PCDH7: variants seen among roughly 807,000 people sequenced by gnomAD.
PCDH7 encodes the protein protocadherin 7.
PCDH7 carries 17 observed loss-of-function variants against 58.9 expected under a neutral mutation model. The observed-to-expected ratio is 0.29, with a 90% CI of 0.20 to 0.43. PCDH7 has a LOEUF of 0.43. Ranked by LOEUF, PCDH7 falls within the 20% of genes least tolerant of loss-of-function variation. The pLI is 1.00. For missense variants in PCDH7, 1,274 were observed against 1,441.0 expected (o/e 0.88, Z 1.88); for synonymous variants, 664 against 616.4 (o/e 1.08, Z -1.14).
rs531327475 is a variant in PCDH7, at chr4:31,111,356, A to G, written c.*8-31117A>G. On this transcript the variant is annotated intron_variant, in intron 3 of 3. Coordinates refer to the PCDH7 transcript ENST00000509759. ...GGAGTCTCGCTCTGTCGCTCGGGCTAGAGTGCAATGGTGCCACCTCGGCTC... is the reference window on the plus strand; with the variant it reads ...GGAGTCTCGCTCTGTCGCTCGGGCTGGAGTGCAATGGTGCCACCTCGGCTC... Among the ~76,000 whole-genome samples the G allele has an allele frequency of 2.3e-4, 35 of 149,476 alleles. No individual in the cohort carries two copies. The South Asian group carries it at 6.6e-3, about 28-fold the overall frequency.
chr4:31,074,062 A>G (rs1236355375), intron 3 of PCDH7, among the ~76,000 whole-genome samples: 2 of 151,872 alleles, frequency 1.3e-5, no homozygotes, highest in African/African-American at 4.8e-5. Context: ...CCCAAGATTC[A>G]CATGGTTGTT....
At position 31,142,926 on chromosome 4, in the gene PCDH7, C is replaced by T. The variant is rs1405031929; in HGVS notation, c.*461C>T. On this transcript the variant is annotated 3_prime_UTR_variant, in exon 4 of 4. Coordinates refer to the PCDH7 transcript ENST00000509759. ...GGGGCAAAAACCTTACAAAGCAAAA[C>T]GTTTAATCACAAAGAGGGGGCTACC... 1.1e-5 allele frequency: 12 copies of T among 1,106,366 alleles called. No homozygotes were observed. In the East Asian group the frequency reaches 1.9e-4, roughly 18 times the overall value. 68.5% of individuals were successfully genotyped at this position (1,106,366 alleles called of 1,614,324 possible). A position where few individuals can be genotyped will look rare whatever the true frequency, so the allele number is the denominator to read the frequency against.
At chr4:30,813,553 T>C (rs1464321934) in intron 1 of PCDH7, among the ~76,000 whole-genome samples, 2 of 152,160 alleles carry the variant, frequency 1.3e-5, no homozygotes, top group East Asian at 1.9e-4. Flanking sequence ...GTGCATCATA[T>C]AGTGTAGAGG....
chr4:30,748,136 C>A (rs1219301222), intron 1 of PCDH7, among the ~76,000 whole-genome samples: 2 of 152,160 alleles, frequency 1.3e-5, no homozygotes, highest in Non-Finnish European at 2.9e-5. Flanking sequence ...GAGCACAAGA[C>A]TGGAGAAACT....
chr4:30,725,982 G>A (rs1325250212), intron 1 of PCDH7, among the ~76,000 whole-genome samples: 1 of 152,038 alleles, frequency 6.6e-6, no homozygotes, highest in African/African-American at 2.4e-5. Context: ...GAAAACACCA[G>A]TTCAAACTAC....
intron 3 of PCDH7, among the ~76,000 whole-genome samples, chr4:31,034,998 C>G (rs1755269855): frequency 1.3e-5 from 2 of 152,046 alleles, no homozygotes; most frequent in Admixed American, 6.6e-5. Context: ...AACTCTGAGA[C>G]AGGGAGATTA....
intron 1 of PCDH7, among the ~76,000 whole-genome samples, chr4:30,912,708 C>G (rs1034694414): frequency 2.0e-5 from 3 of 152,160 alleles, no homozygotes; most frequent in Admixed American, 6.6e-5. Context: ...ACCTGAGGTT[C>G]TTTCCAATAG....
intron 1 of PCDH7, among the ~76,000 whole-genome samples, chr4:30,912,581 G>C (rs1308412575): frequency 6.6e-6 from 1 of 152,150 alleles, no homozygotes; most frequent in Non-Finnish European, 1.5e-5. Flanking sequence ...GTGAGTTCCA[G>C]ATAAGGAGAC....
chr4:31,059,043 G>A (rs1757478329), intron 3 of PCDH7, among the ~76,000 whole-genome samples: 1 of 151,902 alleles, frequency 6.6e-6, no homozygotes, highest in Non-Finnish European at 1.5e-5. Context: ...GGAGAAACCT[G>A]ATGCTTAAAA....
chr4:31,087,557 G>T (rs562919578), intron 3 of PCDH7, among the ~76,000 whole-genome samples: 48 of 152,178 alleles, frequency 3.2e-4, no homozygotes, highest in African/African-American at 1.1e-3. Flanking sequence ...ACATGGAAAG[G>T]ATCTGTGTTA....
At chr4:30,728,703 G>A (rs1715005515) in intron 1 of PCDH7, among the ~76,000 whole-genome samples, 1 of 151,478 alleles carries the variant, frequency 6.6e-6, no homozygotes, top group Non-Finnish European at 1.5e-5. Context: ...ACCAATTAAT[G>A]ACTTAGATGT....
At chr4:30,730,591 C>A (rs1715339112) in intron 1 of PCDH7, among the ~76,000 whole-genome samples, 1 of 152,032 alleles carries the variant, frequency 6.6e-6, no homozygotes, top group Admixed American at 6.6e-5. Flanking sequence ...ACTTCCCCCA[C>A]CCCCCAAGTG....
chr4:30,928,346 TA>T (rs1206060334), intron 2 of PCDH7, among the ~76,000 whole-genome samples: 3 of 152,192 alleles, frequency 2.0e-5, no homozygotes, highest in Admixed American at 2.0e-4. Flanking sequence ...TTTTAATAAG[TA>T]AAGTATTTTT....
intron 1 of PCDH7, among the ~76,000 whole-genome samples, chr4:30,746,602 A>C (rs1376530561): frequency 1.3e-5 from 2 of 152,200 alleles, no homozygotes; most frequent in African/African-American, 4.8e-5. Context: ...AGTCTTGCAG[A>C]ATCTCTGTGT....
chr4:30,964,576 T>G, intron 3 of PCDH7, among the ~76,000 whole-genome samples: 1 of 151,322 alleles, frequency 6.6e-6, no homozygotes, highest in East Asian at 2.0e-4. Flanking sequence ...TACTGAATTT[T>G]ATTTTTCATA....
At chr4:31,004,467 T>C (rs1752606145) in intron 3 of PCDH7, among the ~76,000 whole-genome samples, 2 of 152,132 alleles carry the variant, frequency 1.3e-5, no homozygotes, top group Admixed American at 1.3e-4. Context: ...CCCAGCACTT[T>C]GGGAGGCCTA....
chr4:31,042,949 A>G lies in PCDH7; in HGVS notation c.*7+92734A>G, dbSNP rs1334998889. Among the ~76,000 whole-genome samples the G allele has an allele frequency of 9.2e-5, 14 of 152,230 alleles. No homozygotes were observed. The East Asian group carries it at 2.7e-3, about 29-fold the overall frequency. On this transcript the variant is annotated intron_variant, in intron 3 of 3. Transcript: ENST00000509759. ...GGCCTTTTGCTGGTGCAGAGTCCCAAGGAAGCACAGGGTATCACATTCTGA... is the reference window on the plus strand; with the variant it reads ...GGCCTTTTGCTGGTGCAGAGTCCCAGGGAAGCACAGGGTATCACATTCTGA...
intron 3 of PCDH7, among the ~76,000 whole-genome samples, chr4:30,998,627 C>A (rs1021504606): frequency 3.3e-5 from 5 of 152,082 alleles, no homozygotes; most frequent in African/African-American, 1.2e-4. Flanking sequence ...GTCCAGCAAC[C>A]ATGTTTTCAC....
chr4:31,032,561 A>T, intron 3 of PCDH7, among the ~76,000 whole-genome samples: 1 of 149,202 alleles, frequency 6.7e-6, no homozygotes, highest in Non-Finnish European at 1.5e-5. Context: ...TGAGCCGAGA[A>T]TGTGCCACTG....
Sources: gnomAD v4.1 joint callset for allele counts (sites outside exome capture counted in the v4.1 genomes callset) on GRCh38, gnomAD v4.1.1 for gene constraint, MANE v1.5 for transcripts, NCBI Gene and HGNC (gene_info 2026-07-23, HGNC 2026-07-21) for gene names.